Variants in HSD17B12 observed in about 807,000 individuals in gnomAD.
HSD17B12 encodes very-long-chain 3-oxoacyl-CoA reductase.
In HSD17B12, 32 loss-of-function variants were observed where a neutral mutation model predicts 39.3. The ratio of observed to expected loss-of-function variants is 0.81; its 90% CI spans 0.61 to 1.09. The LOEUF (loss-of-function observed/expected upper bound fraction) is 1.09, where lower values mean the gene tolerates loss of function less well. Among genes scored for constraint, HSD17B12 ranks in the 50% least tolerant of loss-of-function variants. The probability of loss-of-function intolerance (pLI) is 0.00; values close to 1 mark genes in which losing one functional copy is unlikely to be tolerated. For synonymous variants in HSD17B12, 150 were observed against 146.7 expected, an observed-to-expected ratio of 1.02 and a Z score of -0.16; for missense variants, 342 against 382.9, an observed-to-expected ratio of 0.89 and a Z score of 0.89.
chr11:43,769,131 G>A (rs1950626046), intron 3 of HSD17B12, among the ~76,000 whole-genome samples: 2 of 152,050 alleles, frequency 1.3e-5, no homozygotes, highest in Admixed American at 1.3e-4. Context: ...GGAGACACAG[G>A]GTTTCACCAT....
intron 9 of HSD17B12, among the ~76,000 whole-genome samples, chr11:43,845,779 A>G (rs1951469905): frequency 6.6e-6 from 1 of 152,194 alleles, no homozygotes; most frequent in African/African-American, 2.4e-5. Context: ...CCATATAATT[A>G]CTATTATTTC....
At chr11:43,688,053 A>T (rs1949818179) in intron 1 of HSD17B12, among the ~76,000 whole-genome samples, 1 of 152,126 alleles carries the variant, frequency 6.6e-6, no homozygotes, top group Non-Finnish European at 1.5e-5. Flanking sequence ...CTCTACTAAA[A>T]ATACAAAAAT....
At chr11:43,719,074 G>A (rs941171825) in intron 1 of HSD17B12, 28 of 787,004 alleles carry the variant, frequency 3.6e-5, no homozygotes, top group Non-Finnish European at 5.5e-5. Context: ...CTGATGGAGA[G>A]AAGAAAGCAT....
At chr11:43,672,197 C>T in the HSD17B12 span, among the ~76,000 whole-genome samples, 64 of 152,010 alleles carry the variant, frequency 4.2e-4, no homozygotes, top group Non-Finnish European at 8.1e-4. Flanking sequence ...TACAGGCGCC[C>T]GCCACCACGC....
At chr11:43,706,793 A>G (rs982025660) in intron 1 of HSD17B12, among the ~76,000 whole-genome samples, 44 of 151,802 alleles carry the variant, frequency 2.9e-4, no homozygotes, top group African/African-American at 1.1e-3. Context: ...GGTCTTGGAA[A>G]GACGACACTT....
At chr11:43,752,284 G>T (rs568795711) in intron 2 of HSD17B12, among the ~76,000 whole-genome samples, 1 of 152,194 alleles carries the variant, frequency 6.6e-6, no homozygotes. Context: ...GATTATAAAC[G>T]TAATTAATAA....
chr11:43,805,249 G>GTAAATACCTC (rs147021493), intron 4 of HSD17B12, among the ~76,000 whole-genome samples: 8,253 of 152,214 alleles, frequency 0.054, 248 homozygotes, highest in African/African-American at 0.069. Context: ...CATTTGAAGT[G>GTAAATACCTC]TAAATACCTC....
intron 6 of HSD17B12, among the ~76,000 whole-genome samples, chr11:43,829,349 TA>T (rs1951284577): frequency 6.6e-6 from 1 of 152,226 alleles, no homozygotes; most frequent in Admixed American, 6.5e-5. Flanking sequence ...TGTCCCTACA[TA>T]AAAGGCCTCT....
chr11:43,669,603 A>G, the HSD17B12 span, among the ~76,000 whole-genome samples: 2 of 152,094 alleles, frequency 1.3e-5, no homozygotes, highest in Non-Finnish European at 2.9e-5. Context: ...CAGGTTCTCC[A>G]GAAGCATCCT....
At position 43,710,915 on chromosome 11, in the gene HSD17B12, C is replaced by T. The variant is rs564575447; in HGVS notation, c.160+29928C>T. On this transcript the variant is annotated intron_variant, in intron 1 of 10. Transcript: ENST00000278353. ...AAGTGATTCTCCTGCCTCAGCCTTC[C>T]GAACAGGTGGGACAACAGGTGCATG... Among the ~76,000 whole-genome samples, 14 of 152,210 alleles carry T rather than the reference C, an allele frequency of 9.2e-5. No homozygotes were observed. In the South Asian group the frequency reaches 1.2e-3, roughly 14 times the overall value.
intron 1 of HSD17B12, among the ~76,000 whole-genome samples, chr11:43,685,466 TGTTA>T (rs1233634152): frequency 2.6e-5 from 4 of 152,372 alleles, no homozygotes; most frequent in East Asian, 3.9e-4. Context: ...ATATATGAAA[TGTTA>T]GTTATTTAAA....
the HSD17B12 span, among the ~76,000 whole-genome samples, chr11:43,656,966 C>A: frequency 6.6e-6 from 1 of 152,164 alleles, no homozygotes; most frequent in Non-Finnish European, 1.5e-5. Flanking sequence ...TGTTGACTTT[C>A]TGTCTCATTG....
chr11:43,625,820 T>G, the HSD17B12 span, among the ~76,000 whole-genome samples: 3 of 151,414 alleles, frequency 2.0e-5, no homozygotes, highest in African/African-American at 7.2e-5. Context: ...ATGATACTGT[T>G]AAAACCCAAC....
At position 43,856,281 on chromosome 11, in the gene HSD17B12, A is replaced by G. The variant is rs1951582466; in HGVS notation, c.*1033A>G. The G allele has an allele frequency of 6.6e-6, 1 of 152,252 alleles. No homozygotes were observed. The allele number at this position is 152,252 out of a possible 1,614,324, so 9.4% of individuals were successfully genotyped here. ...ATAAGACTGACTTTTATCCTGCTTC[A>G]TAACTTGTATGGAGAACTCACCAAG... On this transcript the variant is annotated 3_prime_UTR_variant, in exon 11 of 11. Coordinates refer to ENST00000278353, the MANE Select transcript of HSD17B12 (RefSeq NM_016142.3).
chr11:43,797,258 A>C (rs1171982485), intron 3 of HSD17B12, among the ~76,000 whole-genome samples: 1 of 152,190 alleles, frequency 6.6e-6, no homozygotes, highest in Non-Finnish European at 1.5e-5. Flanking sequence ...CTAAAGAAAG[A>C]TTTATTTTTG....
chr11:43,799,333 G>A (rs921136237), intron 4 of HSD17B12, among the ~76,000 whole-genome samples: 1 of 152,058 alleles, frequency 6.6e-6, no homozygotes, highest in African/African-American at 2.4e-5. Context: ...GTTTAGAAGG[G>A]CACATAAAGA....
At chr11:43,706,721 TTGTGGGGG>T in intron 1 of HSD17B12, among the ~76,000 whole-genome samples, 1 of 139,114 alleles carries the variant, frequency 7.2e-6, no homozygotes, top group Non-Finnish European at 1.6e-5. Context: ...TGTGTGTGTG[TTGTGGGGG>T]GTGGGTGTGC....
chr11:43,660,986 G>A, the HSD17B12 span, among the ~76,000 whole-genome samples: 1 of 152,164 alleles, frequency 6.6e-6, no homozygotes, highest in African/African-American at 2.4e-5. Context: ...TGAGCTGGGT[G>A]TGGTGGTGCA....
intron 7 of HSD17B12, among the ~76,000 whole-genome samples, chr11:43,834,758 G>A (rs1296099457): frequency 1.3e-5 from 2 of 152,156 alleles, no homozygotes; most frequent in African/African-American, 4.8e-5. Context: ...AGCTGTAAGT[G>A]TGAGGGACTG....
Sources: gnomAD v4.1 joint callset for allele counts (sites outside exome capture counted in the v4.1 genomes callset) on GRCh38, gnomAD v4.1.1 for gene constraint, MANE v1.5 for transcripts, NCBI Gene and HGNC (gene_info 2026-07-23, HGNC 2026-07-21) for gene names.